The following MTNAP1 variants were observed in gnomAD, a reference collection of about 807,000 sequenced individuals.
MTNAP1 encodes the protein mitochondrial nucleoid associated protein 1.
the MTNAP1 span, chr17:73,248,732 G>C: frequency 1.6e-6 from 1 of 622,294 alleles, no homozygotes; most frequent in South Asian, 1.9e-5. Flanking sequence ...ACTCACACGT[G>C]GTCTGTGTAA....
chr17:73,238,345 A>G, the MTNAP1 span, among the ~76,000 whole-genome samples: 3 of 152,178 alleles, frequency 2.0e-5, no homozygotes, highest in Non-Finnish European at 4.4e-5. Context: ...TTATTTTGAC[A>G]GGAGACCTGT....
At chr17:73,233,134 C>G in the MTNAP1 span, 2 of 152,332 alleles carry the variant, frequency 1.3e-5, no homozygotes, top group African/African-American at 4.8e-5. Context: ...CTTTCCGGAA[C>G]CTGTGTTTCT....
the MTNAP1 span, among the ~76,000 whole-genome samples, chr17:73,246,199 A>G: frequency 1.3e-5 from 2 of 152,306 alleles, no homozygotes; most frequent in African/African-American, 4.8e-5. Flanking sequence ...CCTCATGCCA[A>G]AATACATGAG....
chr17:73,238,921 C>CTGTGTGTGTG, the MTNAP1 span, among the ~76,000 whole-genome samples: 254 of 150,978 alleles, frequency 1.7e-3, 2 homozygotes, highest in African/African-American at 5.4e-3. Context: ...CCATACTTTT[C>CTGTGTGTGTG]TGTGTGTGTG....
the MTNAP1 span, chr17:73,245,182 C>T: frequency 1.3e-5 from 21 of 1,613,610 alleles, no homozygotes; most frequent in Middle Eastern, 1.6e-4. Context: ...GCAGCGGTGG[C>T]GTAAGTAGTG....
the MTNAP1 span, among the ~76,000 whole-genome samples, chr17:73,233,659 T>C: frequency 6.6e-6 from 1 of 151,044 alleles, no homozygotes; most frequent in Non-Finnish European, 1.5e-5. Flanking sequence ...AGGTCAGGAG[T>C]TCAAGACCAG....
the MTNAP1 span, among the ~76,000 whole-genome samples, chr17:73,238,845 T>G: frequency 6.6e-6 from 1 of 152,192 alleles, no homozygotes; most frequent in Non-Finnish European, 1.5e-5. Context: ...GAGGCCTAGT[T>G]TAATCTTTTC....
chr17:73,248,250 G>A, the MTNAP1 span: 10 of 492,578 alleles, frequency 2.0e-5, no homozygotes, highest in East Asian at 1.0e-4. Flanking sequence ...AGACTCCTCA[G>A]AACGAATAGT....
the MTNAP1 span, among the ~76,000 whole-genome samples, chr17:73,235,258 C>G: frequency 6.6e-6 from 1 of 151,914 alleles, no homozygotes; most frequent in African/African-American, 2.4e-5. Flanking sequence ...TGGTTCCTGG[C>G]CTAAGTTTTT....
At chr17:73,242,859 G>C in the MTNAP1 span, 3 of 1,558,526 alleles carry the variant, frequency 1.9e-6, no homozygotes, top group Admixed American at 3.6e-5. Context: ...CCTAGTTTCA[G>C]TTGCTGTAAC....
chr17:73,241,314 C>G, the MTNAP1 span, among the ~76,000 whole-genome samples: 2 of 152,068 alleles, frequency 1.3e-5, no homozygotes, highest in African/African-American at 4.8e-5. Flanking sequence ...CCCGCCACCA[C>G]GCCCGGCTAA....
At chr17:73,245,040 T>C in the MTNAP1 span, 1 of 801,328 alleles carries the variant, frequency 1.2e-6, no homozygotes, top group African/African-American at 1.8e-5. Flanking sequence ...AACAAACTTC[T>C]CATTGTGCTT....
the MTNAP1 span, among the ~76,000 whole-genome samples, chr17:73,238,944 T>TTTTG: frequency 7.2e-5 from 11 of 151,754 alleles, no homozygotes; most frequent in African/African-American, 1.2e-4. Context: ...TGTTTTGTTT[T>TTTTG]TTTGTTTGTT....
chr17:73,236,127 A>T, the MTNAP1 span: 1 of 1,614,202 alleles, frequency 6.2e-7, no homozygotes, highest in Non-Finnish European at 8.5e-7. Context: ...AAAGACAGGA[A>T]CTTCTAGTAA....
the MTNAP1 span, chr17:73,243,002 G>A: frequency 6.2e-7 from 1 of 1,610,436 alleles, no homozygotes; most frequent in South Asian, 1.1e-5. Flanking sequence ...TCAGACGTCT[G>A]AGTAAGTCTT....
At chr17:73,242,482 T>C in the MTNAP1 span, 3 of 597,942 alleles carry the variant, frequency 5.0e-6, no homozygotes, top group Non-Finnish European at 8.6e-6. Context: ...CTTCCTAGTT[T>C]TCCATTTGTC....
the MTNAP1 span, chr17:73,232,732 C>T: frequency 5.9e-6 from 1 of 169,912 alleles, no homozygotes; most frequent in Non-Finnish European, 1.2e-5. Flanking sequence ...GGACGGTGCT[C>T]TGTGGGGAGC....
chr17:73,244,256 G>A, the MTNAP1 span, among the ~76,000 whole-genome samples: 2,091 of 152,088 alleles, frequency 0.014, 56 homozygotes, highest in African/African-American at 0.048. Flanking sequence ...GCTGGTTTTT[G>A]TACAATCAAA....
the MTNAP1 span, chr17:73,236,956 C>T: frequency 1.2e-6 from 2 of 1,602,458 alleles, no homozygotes; most frequent in Admixed American, 3.5e-5. Context: ...GACCCAGAAG[C>T]CACAACTTAT....
Sources: allele counts gnomAD v4.1 joint callset (sites outside exome capture counted in the v4.1 genomes callset), GRCh38; gene constraint gnomAD v4.1.1; transcripts MANE v1.5; gene names NCBI Gene and HGNC (gene_info 2026-07-23, HGNC 2026-07-21).